The following EFCAB5 variants were observed in gnomAD, a reference collection of about 807,000 sequenced individuals.
EFCAB5 encodes the protein EF-hand calcium binding domain 5.
In EFCAB5, 131 loss-of-function variants were observed where a neutral mutation model predicts 167.9. That is an observed-to-expected ratio of 0.78 (90% CI 0.68 to 0.90). The LOEUF is 0.90. Among genes scored for constraint, EFCAB5 ranks in the 40% least tolerant of loss-of-function variants. The pLI, the probability that EFCAB5 is intolerant of heterozygous loss-of-function variation, is 0.00. For synonymous variants in EFCAB5, 574 were observed against 602.8 expected (o/e 0.95, Z 0.70); for missense variants, 1,663 against 1,745.2 (o/e 0.95, Z 0.84).
At chr17:30,049,598 A>G (rs2070028846) in intron 8 of EFCAB5, among the ~76,000 whole-genome samples, 1 of 152,226 alleles carries the variant, frequency 6.6e-6, no homozygotes, top group South Asian at 2.1e-4. Context: ...AAAAACCCAT[A>G]CATATAATAA....
chr17:29,943,703 G>C (rs2067338573), intron 3 of EFCAB5, 54 bp downstream of exon 3: 1 of 1,483,482 alleles, frequency 6.7e-7, no homozygotes, highest in Admixed American at 2.0e-5. Flanking sequence ...GCTGGGCGTG[G>C]TGGCTCATGC....
intron 4 of EFCAB5, among the ~76,000 whole-genome samples, chr17:29,981,679 A>G (rs2068178967): frequency 6.6e-6 from 1 of 152,224 alleles, no homozygotes; most frequent in African/African-American, 2.4e-5. Context: ...GTCTGCCTTA[A>G]TGATGAAAGT....
At chr17:30,033,584 G>A (rs909487187) in intron 7 of EFCAB5, among the ~76,000 whole-genome samples, 37 of 152,186 alleles carry the variant, frequency 2.4e-4, no homozygotes, top group African/African-American at 8.9e-4. Context: ...TCATAGGAGT[G>A]CAAAAGTGGG....
intron 7 of EFCAB5, among the ~76,000 whole-genome samples, chr17:30,019,254 A>C (rs2151702034): frequency 6.6e-6 from 1 of 152,274 alleles, no homozygotes; most frequent in South Asian, 2.1e-4. Flanking sequence ...CATTCTGATA[A>C]ATACCAAGCT....
chr17:29,961,982 C>A (rs1342371279), intron 3 of EFCAB5, among the ~76,000 whole-genome samples: 3 of 152,186 alleles, frequency 2.0e-5, no homozygotes, highest in African/African-American at 4.8e-5. Flanking sequence ...ACACCCTTGT[C>A]ACAAATCAAT....
intron 8 of EFCAB5, among the ~76,000 whole-genome samples, chr17:30,043,150 A>C (rs1352809552): frequency 2.0e-5 from 3 of 152,130 alleles, no homozygotes; most frequent in Non-Finnish European, 4.4e-5. Flanking sequence ...AATTCATCAC[A>C]TTAAGAGACC....
intron 1 of EFCAB5, among the ~76,000 whole-genome samples, chr17:29,934,562 C>T (rs1019579937): frequency 3.9e-4 from 60 of 152,300 alleles, no homozygotes; most frequent in African/African-American, 1.4e-3. Context: ...ATCAGGAGTA[C>T]CTAGCAGGCC....
intron 14 of EFCAB5, among the ~76,000 whole-genome samples, chr17:30,064,776 G>T (rs1401367203): frequency 1.3e-5 from 2 of 152,122 alleles, no homozygotes; most frequent in Non-Finnish European, 2.9e-5. Context: ...CTAGAGAAAA[G>T]TATCATATAA....
chr17:30,056,162 T>C lies in EFCAB5; in HGVS notation c.2365+6T>C, dbSNP rs757414067. The C allele has an allele frequency of 1.9e-6, 3 of 1,601,558 alleles. No homozygotes were observed. The highest frequency in any genetic ancestry group is 4.5e-5 in the East Asian group (2 of 44,682). On this transcript the variant is annotated splice_donor_region_variant and intron_variant, in intron 12 of 22. Coordinates refer to ENST00000394835, the MANE Select transcript of EFCAB5 (RefSeq NM_198529.4). Reference sequence around the variant, plus strand: ...TGGTAACTCCAGGTTCACAGGTACATGTTAACAATGAAAGTAGGAATAGAT... The same window carrying C: ...TGGTAACTCCAGGTTCACAGGTACACGTTAACAATGAAAGTAGGAATAGAT...
At chr17:30,046,118 T>G (rs1395914978) in intron 8 of EFCAB5, among the ~76,000 whole-genome samples, 6 of 152,166 alleles carry the variant, frequency 3.9e-5, no homozygotes, top group Non-Finnish European at 8.8e-5. Flanking sequence ...TTGGAGGAAT[T>G]ATTGACTAAG....
chr17:29,982,681 C>T (rs1200171809), intron 4 of EFCAB5, among the ~76,000 whole-genome samples: 1 of 152,160 alleles, frequency 6.6e-6, no homozygotes, highest in African/African-American at 2.4e-5. Flanking sequence ...TTTTAGTGGT[C>T]AAGAAAGGGT....
intron 4 of EFCAB5, among the ~76,000 whole-genome samples, chr17:29,983,968 G>C (rs1466029259): frequency 2.0e-5 from 3 of 152,030 alleles, no homozygotes; most frequent in African/African-American, 2.4e-5. Flanking sequence ...CCAATTTTGT[G>C]TATTCATTTT....
chr17:30,049,091 A>T lies in EFCAB5; in HGVS notation c.1201-2027A>T, dbSNP rs527392912. Among the ~76,000 whole-genome samples, 7 of 152,214 alleles carry T rather than the reference A, an allele frequency of 4.6e-5. No homozygotes were observed. In the East Asian group the frequency reaches 9.7e-4, roughly 21 times the overall value. ...GAACAGGTCCATGATATCCATCATGATGATTGGACTTGATGAGCTGAAAGC... is the reference window on the plus strand; with the variant it reads ...GAACAGGTCCATGATATCCATCATGTTGATTGGACTTGATGAGCTGAAAGC... On this transcript the variant is annotated intron_variant, in intron 8 of 22. Transcript: ENST00000394835.
chr17:30,026,197 A>G (rs987307302), intron 7 of EFCAB5, among the ~76,000 whole-genome samples: 1 of 151,774 alleles, frequency 6.6e-6, no homozygotes, highest in Non-Finnish European at 1.5e-5. Flanking sequence ...AAATAAATAA[A>G]TAAATAATCA....
At chr17:29,962,868 C>A (rs1271215628) in intron 3 of EFCAB5, among the ~76,000 whole-genome samples, 3 of 152,092 alleles carry the variant, frequency 2.0e-5, no homozygotes, top group Non-Finnish European at 4.4e-5. Flanking sequence ...AGTAGGCATT[C>A]TTTTCTTGTT....
chr17:29,937,315 T>C (rs1195382750), upstream of EFCAB5, among the ~76,000 whole-genome samples: 1 of 152,122 alleles, frequency 6.6e-6, no homozygotes, highest in Non-Finnish European at 1.5e-5. Context: ...GCCTCCCAAG[T>C]AGCTGGGATT....
intron 3 of EFCAB5, among the ~76,000 whole-genome samples, chr17:29,964,316 CAG>C (rs1343026227): frequency 3.3e-5 from 5 of 152,084 alleles, no homozygotes; most frequent in Non-Finnish European, 5.9e-5. Flanking sequence ...TTTTCCAAGA[CAG>C]AGTCTTGCTC....
rs28862092 is a variant in EFCAB5, at chr17:29,936,477, C to T, written c.-126-5763C>T. ...TAATAATAATAAAAAAAGAAGCAAT[C>T]GGGATAGACAAGAAGGAGCAAGTCT... On this transcript the variant is annotated intron_variant, in intron 1 of 3. Coordinates refer to the EFCAB5 transcript ENST00000448319. 5.0e-3 allele frequency among the ~76,000 whole-genome samples: 755 copies of T among 152,250 alleles called. 4 individuals are homozygous for T. The highest frequency in any genetic ancestry group is 0.018 in the African/African-American group (729 of 41,560).
chr17:29,935,289 T>C (rs1445274708), intron 1 of EFCAB5, among the ~76,000 whole-genome samples: 1 of 152,180 alleles, frequency 6.6e-6, no homozygotes, highest in East Asian at 1.9e-4. Flanking sequence ...TGGGGTGTGG[T>C]GCCTCATGCC....
Sources: gnomAD v4.1 joint callset for allele counts (sites outside exome capture counted in the v4.1 genomes callset) on GRCh38, gnomAD v4.1.1 for gene constraint, MANE v1.5 for transcripts, NCBI Gene and HGNC (gene_info 2026-07-23, HGNC 2026-07-21) for gene names.